The following DSG4 variants were observed in gnomAD, a reference collection of about 807,000 sequenced individuals.
DSG4 encodes the protein desmoglein-4.
A neutral mutation model predicts 93.1 loss-of-function variants in DSG4; 87 were observed. That is an observed-to-expected ratio of 0.93 (90% CI 0.79 to 1.12). The LOEUF (loss-of-function observed/expected upper bound fraction) is 1.12, where lower values mean the gene tolerates loss of function less well. DSG4 is among the 50% of genes most tolerant of loss of function. DSG4 has a pLI of 0.00. For missense variants in DSG4, 1,373 were observed against 1,285.7 expected, an observed-to-expected ratio of 1.07 and a Z score of -1.04; for synonymous variants, 432 against 452.9, an observed-to-expected ratio of 0.95 and a Z score of 0.59.
At chr18:31,394,064 CCT>C (rs540748373) in intron 8 of DSG4, among the ~76,000 whole-genome samples, 321 of 152,234 alleles carry the variant, frequency 2.1e-3, no homozygotes, top group African/African-American at 7.1e-3. Flanking sequence ...TCACCTGTCC[CCT>C]GTTTCATAAA....
intron 8 of DSG4, among the ~76,000 whole-genome samples, chr18:31,396,654 C>T (rs757668063): frequency 6.6e-6 from 1 of 151,996 alleles, no homozygotes; most frequent in Non-Finnish European, 1.5e-5. Context: ...CCGCACCCAG[C>T]CAGTAATTCC....
Position 31,409,812 on chromosome 18 carries a change from A to G in DSG4, c.2137+4A>G. 1.2e-6 allele frequency: 2 copies of G among 1,614,184 alleles called. No individual in the cohort carries two copies. Among genetic ancestry groups the G allele is most frequent in the South Asian group, 1.1e-5 (1 of 91,080 alleles). Reference sequence around the variant, plus strand: ...CAGGATCGGATGGATTCCTCTGGTCAGTAGACACCAAAATCTGTTTTTCCT... The same window carrying G: ...CAGGATCGGATGGATTCCTCTGGTCGGTAGACACCAAAATCTGTTTTTCCT... On this transcript the variant is annotated splice_donor_region_variant and intron_variant, in intron 14 of 15. Coordinates refer to ENST00000308128, the MANE Select transcript of DSG4 (RefSeq NM_177986.5).
At chr18:31,410,358 A>G (rs55897336) in intron 14 of DSG4, among the ~76,000 whole-genome samples, 1 of 151,314 alleles carries the variant, frequency 6.6e-6, no homozygotes, top group Admixed American at 6.6e-5. Context: ...TAATACATAC[A>G]TATATTGTAT....
chr18:31,377,084 A>G, intron 1 of DSG4, 125 bp downstream of exon 1: 1 of 1,063,184 alleles, frequency 9.4e-7, no homozygotes, highest in Non-Finnish European at 1.4e-6. Context: ...GAGTTCTAGA[A>G]GTCCAGCCTC....
rs573507451 is a variant in DSG4, at chr18:31,385,937, G to T, written c.85-751G>T. Among the ~76,000 whole-genome samples the T allele has an allele frequency of 1.6e-4, 25 of 152,176 alleles. No homozygotes were observed. In the South Asian group the frequency reaches 4.8e-3, roughly 29 times the overall value. ...AAAAATAAATACGTGCATATATATA[G>T]TTTATGCATGTATACAAATAGGCTT... On this transcript the variant is annotated intron_variant, in intron 2 of 15. Transcript: ENST00000308128.
intron 11 of DSG4, among the ~76,000 whole-genome samples, chr18:31,405,701 T>C (rs1278443415): frequency 6.6e-6 from 1 of 151,958 alleles, no homozygotes. Flanking sequence ...CTGGGCAATA[T>C]GGCAAAACCC....
chr18:31,398,460 T>C (rs2072329094), intron 8 of DSG4, among the ~76,000 whole-genome samples: 1 of 152,150 alleles, frequency 6.6e-6, no homozygotes, highest in South Asian at 2.1e-4. Flanking sequence ...CCTCACAGAG[T>C]TCTGCTGATG....
Position 31,413,807 on chromosome 18 carries a change from A to G in DSG4, c.*212A>G. 1.7e-6 allele frequency: 1 copy of G among 596,292 alleles called. No individual in the cohort carries two copies. The highest frequency in any genetic ancestry group is 2.8e-6 in the Non-Finnish European group (1 of 353,920). 36.9% of individuals were successfully genotyped at this position (596,292 alleles called of 1,614,324 possible). ...TTAAAATTCTTTCTGATTTTAAATA[A>G]TGCGTCAAAAAATGTGCAGAAAATG... On this transcript the variant is annotated 3_prime_UTR_variant, in exon 16 of 16. Coordinates refer to ENST00000308128, the MANE Select transcript of DSG4 (RefSeq NM_177986.5).
chr18:31,403,372 C>G (rs1301123243), intron 10 of DSG4, 44 bp from the exon 11 acceptor site: 2 of 1,509,068 alleles, frequency 1.3e-6, no homozygotes, highest in Admixed American at 3.6e-5. Context: ...GAGTTTTCTC[C>G]CTAACACCAT....
At chr18:31,382,912 A>G (rs1451298789) in intron 1 of DSG4, among the ~76,000 whole-genome samples, 1 of 152,210 alleles carries the variant, frequency 6.6e-6, no homozygotes. Flanking sequence ...CTTATACTCA[A>G]ACATTCTCAG....
intron 14 of DSG4, among the ~76,000 whole-genome samples, chr18:31,410,661 T>G (rs566602947): frequency 7.2e-5 from 11 of 152,292 alleles, no homozygotes; most frequent in Admixed American, 2.6e-4. Context: ...CTAACAATAC[T>G]GAACACACTA....
Position 31,392,236 on chromosome 18 carries a change from G to C in DSG4, c.901G>C (p.Asp301His), listed in dbSNP as rs550801669. Residue 301 changes from aspartate to histidine, a missense_variant, in exon 8 of 16, where the codon GAT (aspartate) becomes CAT (histidine). Coordinates refer to ENST00000308128, the MANE Select transcript of DSG4 (RefSeq NM_177986.5). ...AATTGATCTTGATGAAGAAGGCACTGATAACTGGTTGGCTCAATATTTAAT... is the reference window on the plus strand; with the variant it reads ...AATTGATCTTGATGAAGAAGGCACTCATAACTGGTTGGCTCAATATTTAAT... ...QAIDLDEEGT[D>H]NWLAQYLILS... 2 of 1,613,806 alleles carry C rather than the reference G, an allele frequency of 1.2e-6. No individual in the cohort carries two copies. The highest frequency in any genetic ancestry group is 1.3e-5 in the African/African-American group (1 of 75,026).
intron 8 of DSG4, 82 bp downstream of exon 8, chr18:31,392,422 G>A: frequency 1.4e-6 from 2 of 1,453,404 alleles, no homozygotes; most frequent in Non-Finnish European, 1.9e-6. Context: ...GACAGAATCT[G>A]CCTTTAAAAA....
In DSG4 at chr18:31,386,741, ACAAAAGCGGGAGTGGAT is replaced by A. The variant is rs1200315825; in HGVS notation, c.142_158del (p.Lys48ValfsTer40). 1 of 1,613,524 alleles carries A rather than the reference ACAAAAGCGGGAGTGGAT, an allele frequency of 6.2e-7. No homozygotes were observed. On this transcript the variant is annotated frameshift_variant, in exon 3 of 16. Coordinates refer to ENST00000308128, the MANE Select transcript of DSG4 (RefSeq NM_177986.5). LOFTEE classifies it high-confidence loss of function. ...CTACAAAATGGCAAACAGTCAGAAGACAAAAGCGGGAGTGGATCAAGTTTGCCGCAGCCTGTCGAGAA... is the reference window on the plus strand; with the variant it reads ...CTACAAAATGGCAAACAGTCAGAAGACAAGTTTGCCGCAGCCTGTCGAGAA...
chr18:31,409,597 T>C lies in DSG4; in HGVS notation c.2073+6T>C, dbSNP rs764900397. Reference sequence around the variant, plus strand: ...GGGCCCATCCCGAGGACAGGGTAAGTGGACTGTCACTCTCCAGAGAAGTGT... The same window carrying C: ...GGGCCCATCCCGAGGACAGGGTAAGCGGACTGTCACTCTCCAGAGAAGTGT... On this transcript the variant is annotated splice_donor_region_variant and intron_variant, in intron 13 of 15. Transcript: ENST00000308128. 7 of 1,614,120 alleles carry C rather than the reference T, an allele frequency of 4.3e-6. No individual in the cohort carries two copies. Among genetic ancestry groups the C allele is most frequent in the Admixed American group, 1.7e-5 (1 of 60,010 alleles).
chr18:31,390,789 AG>A lies in DSG4; in HGVS notation c.652del (p.Val218SerfsTer20). ...MFILNRYTGE[V>X]CTMSSFLDRE... ...TCATTCTGAATAGGTACACTGGAGA[AG>A]TCTGCACCATGTCCAGTTTCTTGGA... is the stretch of plus-strand genomic sequence containing the variant. On this transcript the variant is annotated frameshift_variant, in exon 6 of 16. Coordinates refer to ENST00000308128, the MANE Select transcript of DSG4 (RefSeq NM_177986.5). LOFTEE classifies it high-confidence loss of function. The A allele has an allele frequency of 6.2e-7, 1 of 1,613,754 alleles. No homozygotes were observed. The highest frequency in any genetic ancestry group is 1.1e-5 in the South Asian group (1 of 91,078).
chr18:31,413,862 T>C lies in DSG4; in HGVS notation c.*267T>C. 2 of 406,494 alleles carry C rather than the reference T, an allele frequency of 4.9e-6. No homozygotes were observed. The allele number at this position is 406,494 out of a possible 1,614,324, so 25.2% of individuals were successfully genotyped here. ...GCATCCCTTGATACTGTCTAACGAA[T>C]AGCACATAACTCATATTGTGAATCC... On this transcript the variant is annotated 3_prime_UTR_variant, in exon 16 of 16. Transcript: ENST00000308128.
At chr18:31,384,229 CT>C (rs1348271630) in intron 1 of DSG4, among the ~76,000 whole-genome samples, 2 of 152,040 alleles carry the variant, frequency 1.3e-5, no homozygotes, top group Non-Finnish European at 2.9e-5. Context: ...TAAAGTTTTA[CT>C]TTTCATATTT....
At chr18:31,388,745 T>C in intron 4 of DSG4, 129 bp from the exon 5 acceptor site, 3 of 1,422,888 alleles carry the variant, frequency 2.1e-6, no homozygotes, top group Non-Finnish European at 2.9e-6. Flanking sequence ...ATATTTAAAT[T>C]ATTTGACTGT....
Sources: allele counts gnomAD v4.1 joint callset (sites outside exome capture counted in the v4.1 genomes callset), GRCh38; gene constraint gnomAD v4.1.1; transcripts MANE v1.5; gene names NCBI Gene and HGNC (gene_info 2026-07-23, HGNC 2026-07-21).